The following MTMR3 variants were observed in gnomAD, a reference collection of about 807,000 sequenced individuals.
MTMR3 encodes myotubularin related protein 3.
Under a neutral mutation model 132.4 loss-of-function variants are expected in MTMR3, and 32 were observed. The observed-to-expected ratio is 0.24, with a 90% CI of 0.18 to 0.32. The LOEUF is 0.32. Among genes scored for constraint, MTMR3 ranks in the 10% least tolerant of loss-of-function variants. MTMR3 has a pLI of 1.00. For missense variants in MTMR3, 1,216 were observed against 1,489.6 expected (o/e 0.82, Z 3.02); for synonymous variants, 556 against 550.3 (o/e 1.01, Z -0.14).
At chr22:29,990,540 T>C (rs750875626) in intron 6 of MTMR3, 2 of 152,220 alleles carry the variant, frequency 1.3e-5, no homozygotes, top group Non-Finnish European at 2.9e-5. Context: ...GTTTTTAACA[T>C]TGCATTCAAA....
chr22:29,943,925 G>A lies in MTMR3; in HGVS notation c.-137-13111G>A, dbSNP rs561809045. On this transcript the variant is annotated intron_variant, in intron 1 of 19. Coordinates refer to ENST00000401950, the MANE Select transcript of MTMR3 (RefSeq NM_021090.4). ...TGCAAACTCTGCCTCCTGGGCTTAC[G>A]CCATTCTCCCACCTCAGCTGCCCGA... Among the ~76,000 whole-genome samples the A allele has an allele frequency of 4.6e-5, 7 of 151,942 alleles. No individual in the cohort carries two copies. In the South Asian group the frequency reaches 6.2e-4, roughly 14 times the overall value.
In MTMR3 at chr22:29,883,278, G is replaced by C. The variant is rs2064589421; in HGVS notation, c.-219G>C. 6.5e-6 allele frequency: 1 copy of C among 154,176 alleles called. No homozygotes were observed. The highest frequency in any genetic ancestry group is 2.4e-5 in the African/African-American group (1 of 41,486). 9.6% of individuals were successfully genotyped at this position (154,176 alleles called of 1,614,324 possible). On this transcript the variant is annotated 5_prime_UTR_variant, in exon 1 of 20. Transcript: ENST00000401950. ...GTCCCAGCGGCTCAGGCGCTGCCCA[G>C]CGCCGGCCCTGGCAGGGAGCCTGGT...
At chr22:29,982,973 G>GTGTGTGTGTA (rs992209270) in intron 5 of MTMR3, 21 of 148,098 alleles carry the variant, frequency 1.4e-4, no homozygotes, top group African/African-American at 5.0e-4. Context: ...GTGTGTGTGT[G>GTGTGTGTGTA]TGTATGTGTT....
intron 1 of MTMR3, among the ~76,000 whole-genome samples, chr22:29,955,660 T>C (rs772205829): frequency 2.6e-5 from 4 of 152,200 alleles, no homozygotes; most frequent in Non-Finnish European, 5.9e-5. Context: ...GACAAAAATA[T>C]TATGTTTAAA....
intron 1 of MTMR3, among the ~76,000 whole-genome samples, chr22:29,909,350 G>A (rs556084709): frequency 6.8e-4 from 104 of 152,032 alleles, no homozygotes; most frequent in Admixed American, 9.2e-4. Flanking sequence ...TTTACGTTGC[G>A]TTTCTGCCTT....
chr22:29,988,070 A>T (rs1190765179), intron 5 of MTMR3: 1 of 152,874 alleles, frequency 6.5e-6, no homozygotes, highest in East Asian at 1.9e-4. Flanking sequence ...TGGCATTCTG[A>T]TCTGTAGTTC....
At chr22:30,001,779 G>A (rs1366806326) in intron 8 of MTMR3, 2 of 152,190 alleles carry the variant, frequency 1.3e-5, no homozygotes, top group Non-Finnish European at 2.9e-5. Flanking sequence ...AGGAGTTTGT[G>A]AATAGGTGTT....
At chr22:29,910,851 A>C (rs2065198310) in intron 1 of MTMR3, among the ~76,000 whole-genome samples, 1 of 152,086 alleles carries the variant, frequency 6.6e-6, no homozygotes, top group Non-Finnish European at 1.5e-5. Flanking sequence ...AAACCAGAGC[A>C]TGTGTGACAG....
intron 1 of MTMR3, among the ~76,000 whole-genome samples, chr22:29,929,670 C>T (rs1021468470): frequency 4.0e-5 from 6 of 151,896 alleles, no homozygotes; most frequent in South Asian, 2.1e-4. Context: ...CCACCATGCC[C>T]GGCTAACTTT....
intron 3 of MTMR3, among the ~76,000 whole-genome samples, chr22:29,975,563 A>G (rs2066613892): frequency 6.6e-6 from 1 of 152,218 alleles, no homozygotes; most frequent in Non-Finnish European, 1.5e-5. Flanking sequence ...CAGATAATTT[A>G]TATTTTTCTT....
rs1450752316 is a variant in MTMR3, at chr22:29,931,005, T to C, written c.-137-26031T>C. ...CTGGGCATCAGAGTGTGAGACGCTGTCTCAAAAGAAAAAAAAAAAAAAAAA... is the reference window on the plus strand; with the variant it reads ...CTGGGCATCAGAGTGTGAGACGCTGCCTCAAAAGAAAAAAAAAAAAAAAAA... On this transcript the variant is annotated intron_variant, in intron 1 of 19. Coordinates refer to ENST00000401950, the MANE Select transcript of MTMR3 (RefSeq NM_021090.4). 3.5e-5 allele frequency among the ~76,000 whole-genome samples: 5 copies of C among 142,940 alleles called. No homozygotes were observed. In the Admixed American group the frequency reaches 3.6e-4, roughly 10 times the overall value. The allele number at this position is 142,940 out of a possible 152,430, so 93.8% of individuals were successfully genotyped here.
intron 13 of MTMR3, 47 bp downstream of exon 13, chr22:30,012,610 G>T: frequency 6.5e-7 from 1 of 1,533,242 alleles, no homozygotes; most frequent in South Asian, 1.3e-5. Flanking sequence ...GATGAGCCAG[G>T]GAAACGTCTC....
At chr22:29,946,607 A>G (rs1051779437) in intron 1 of MTMR3, among the ~76,000 whole-genome samples, 2 of 152,208 alleles carry the variant, frequency 1.3e-5, no homozygotes, top group African/African-American at 2.4e-5. Flanking sequence ...GTTTCTCTAT[A>G]TGAAGAATTT....
rs369776071 is a variant in MTMR3 at position 29,966,187 on chromosome 22, A to G, written c.-84-4789A>G. ...TGGTATATAACTTTATGTATTTTAT[A>G]GTTAAAAGATAAATTCTTTTTAAAA... On this transcript the variant is annotated intron_variant, in intron 2 of 19. Coordinates refer to ENST00000401950, the MANE Select transcript of MTMR3 (RefSeq NM_021090.4). Among the ~76,000 whole-genome samples, 12 of 152,292 alleles carry G rather than the reference A, an allele frequency of 7.9e-5. No individual in the cohort carries two copies. The South Asian group carries it at 2.1e-3, about 26-fold the overall frequency.
chr22:29,904,665 A>G (rs978258908), intron 1 of MTMR3, among the ~76,000 whole-genome samples: 6 of 152,256 alleles, frequency 3.9e-5, no homozygotes, highest in Non-Finnish European at 8.8e-5. Context: ...TAACAACACT[A>G]CAGTTACACA....
chr22:29,984,588 G>A (rs1243589641), intron 5 of MTMR3: 2 of 152,212 alleles, frequency 1.3e-5, no homozygotes, highest in Non-Finnish European at 2.9e-5. Flanking sequence ...CATGAGTTTG[G>A]TGAAATTTAT....
chr22:29,979,156 A>G, intron 5 of MTMR3, 104 bp downstream of exon 5: 1 of 793,856 alleles, frequency 1.3e-6, no homozygotes, highest in Non-Finnish European at 2.2e-6. Context: ...TGGGAGAGAA[A>G]GCATTATGTG....
chr22:29,998,023 T>A (rs1348314019), intron 7 of MTMR3: 2 of 152,252 alleles, frequency 1.3e-5, no homozygotes, highest in Non-Finnish European at 2.9e-5. Flanking sequence ...TCTGTATTGC[T>A]ACTCGTGGTG....
chr22:29,999,328 T>C (rs2067122332), intron 8 of MTMR3: 1 of 152,252 alleles, frequency 6.6e-6, no homozygotes, highest in African/African-American at 2.4e-5. Flanking sequence ...CTTGGGACTG[T>C]AAATATTTCA....
Sources: gnomAD v4.1 joint callset for allele counts (sites outside exome capture counted in the v4.1 genomes callset) on GRCh38, gnomAD v4.1.1 for gene constraint, MANE v1.5 for transcripts, NCBI Gene and HGNC (gene_info 2026-07-23, HGNC 2026-07-21) for gene names.